The following NALF1 variants were observed in gnomAD, a reference collection of about 807,000 sequenced individuals.
The protein encoded by NALF1 is NALCN channel auxiliary factor 1.
Under a neutral mutation model 48.4 loss-of-function variants are expected in NALF1, and 3 were observed. The ratio of observed to expected loss-of-function variants is 0.06; its 90% confidence interval spans 0.03 to 0.16. The LOEUF (loss-of-function observed/expected upper bound fraction) is 0.16. Among genes scored for constraint, NALF1 ranks in the 10% least tolerant of loss-of-function variants. NALF1 has a pLI of 1.00. For synonymous variants in NALF1, 262 were observed against 245.7 expected, an observed-to-expected ratio of 1.07 and a Z score of -0.62; for missense variants, 526 against 571.5, an observed-to-expected ratio of 0.92 and a Z score of 0.81.
At chr13:107,181,765 T>C (rs1039032778) in intron 2 of NALF1, among the ~76,000 whole-genome samples, 1 of 152,098 alleles carries the variant, frequency 6.6e-6, no homozygotes. Context: ...ATTATGTCTG[T>C]AGGCACAGAA....
chr13:107,492,801 C>T (rs1408024), intron 1 of NALF1, among the ~76,000 whole-genome samples: 54,308 of 151,848 alleles, frequency 0.36, 10,879 homozygotes, highest in African/African-American at 0.54. Context: ...TTTCTTTAGA[C>T]ATAAAACTGG....
At position 107,337,728 on chromosome 13, in the gene NALF1, A is replaced by C. The variant is rs547235322; in HGVS notation, c.916-126973T>G. On this transcript the variant is annotated intron_variant, in intron 1 of 2. Transcript: ENST00000375915. ...TAAGAAAAGTATCCAGGGATTAGGGATCATGGATGTATCATAGCACATGTC... is the reference window on the plus strand; with the variant it reads ...TAAGAAAAGTATCCAGGGATTAGGGCTCATGGATGTATCATAGCACATGTC... 3.4e-4 allele frequency among the ~76,000 whole-genome samples: 52 copies of C among 152,304 alleles called. No homozygotes were observed. In the South Asian group the frequency reaches 5.0e-3, roughly 15 times the overall value.
chr13:107,727,518 G>A (rs1040301953), intron 1 of NALF1, among the ~76,000 whole-genome samples: 8 of 152,168 alleles, frequency 5.3e-5, no homozygotes, highest in African/African-American at 1.9e-4. Flanking sequence ...CCAGCAGTGG[G>A]ACTCTGCTAC....
intron 1 of NALF1, among the ~76,000 whole-genome samples, chr13:107,351,107 T>C (rs560636452): frequency 6.6e-6 from 1 of 152,354 alleles, no homozygotes; most frequent in African/African-American, 2.4e-5. Flanking sequence ...TATATGCTGA[T>C]TTGGTTTGCA....
chr13:107,418,133 T>G (rs943792696), intron 1 of NALF1, among the ~76,000 whole-genome samples: 3 of 152,212 alleles, frequency 2.0e-5, no homozygotes, highest in Non-Finnish European at 4.4e-5. Context: ...AGTGGTACTA[T>G]TTGTTCTCTA....
Position 107,663,639 on chromosome 13 carries a change from A to G in NALF1, c.915+202043T>C, listed in dbSNP as rs189966773. Among the ~76,000 whole-genome samples, 101 of 152,324 alleles carry G rather than the reference A, an allele frequency of 6.6e-4. 1 individual carries two copies. In the Middle Eastern group the frequency reaches 0.01, roughly 15 times the overall value. On this transcript the variant is annotated intron_variant, in intron 1 of 2. Coordinates refer to ENST00000375915, the MANE Select transcript of NALF1 (RefSeq NM_001080396.3). ...CTAAATTCTCCATATCACCAGCTCA[A>G]GAAATATAATCTGTTTCAGAACTTA...
At chr13:107,524,372 C>T (rs886791069) in intron 1 of NALF1, among the ~76,000 whole-genome samples, 3 of 151,856 alleles carry the variant, frequency 2.0e-5, no homozygotes, top group African/African-American at 4.8e-5. Flanking sequence ...TTTGATTATT[C>T]GAGAAGTCAT....
rs552703395 is a variant in NALF1 at position 107,811,401 on chromosome 13, TATGTGCCTTTTAATCTCCA to T, written c.915+54262_915+54280del. ...AAATAAATGTTTCTTTGACTCTGAT[TATGTGCCTTTTAATCTCCA>T]ATGTGCCTTTTAATCTCTGTTACAG... On this transcript the variant is annotated intron_variant, in intron 1 of 2. Transcript: ENST00000375915. Among the ~76,000 whole-genome samples the T allele has an allele frequency of 1.3e-4, 20 of 152,310 alleles. No homozygotes were observed. The East Asian group carries it at 2.9e-3, about 22-fold the overall frequency.
At chr13:107,501,296 C>G (rs935388298) in intron 1 of NALF1, among the ~76,000 whole-genome samples, 1 of 152,128 alleles carries the variant, frequency 6.6e-6, no homozygotes, top group African/African-American at 2.4e-5. Context: ...ACCCCACCTC[C>G]AACACCACAG....
At chr13:107,654,548 C>T (rs1880528186) in intron 1 of NALF1, among the ~76,000 whole-genome samples, 1 of 152,090 alleles carries the variant, frequency 6.6e-6, no homozygotes, top group Non-Finnish European at 1.5e-5. Context: ...GGTGGATTCA[C>T]AGCTGAGTTC....
chr13:107,581,809 C>T (rs988511255), intron 1 of NALF1, among the ~76,000 whole-genome samples: 4 of 152,056 alleles, frequency 2.6e-5, no homozygotes, highest in Admixed American at 2.0e-4. Flanking sequence ...CATATCAGAC[C>T]CTCATCAATT....
At position 107,452,563 on chromosome 13, in the gene NALF1, A is replaced by C. The variant is rs117452653; in HGVS notation, c.916-241808T>G. On this transcript the variant is annotated intron_variant, in intron 1 of 2. Transcript: ENST00000375915. Reference sequence around the variant, plus strand: ...ACCTCCACCTGGTCTCTACCTGGACATGTGAGGATTATCGGGATTACAATT... The same window carrying C: ...ACCTCCACCTGGTCTCTACCTGGACCTGTGAGGATTATCGGGATTACAATT... Among the ~76,000 whole-genome samples the C allele has an allele frequency of 7.0e-3, 1,060 of 152,250 alleles. 38 individuals carry two copies. The East Asian group carries it at 0.11, about 16-fold the overall frequency.
At chr13:107,823,150 G>A (rs768301411) in intron 1 of NALF1, among the ~76,000 whole-genome samples, 1 of 152,148 alleles carries the variant, frequency 6.6e-6, no homozygotes, top group African/African-American at 2.4e-5. Flanking sequence ...CCACTATTTA[G>A]AATAGTCAGT....
intron 2 of NALF1, among the ~76,000 whole-genome samples, chr13:107,189,122 T>A (rs1228113601): frequency 6.6e-6 from 1 of 152,236 alleles, no homozygotes; most frequent in Non-Finnish European, 1.5e-5. Context: ...ATTAAGATCA[T>A]AAGCTAAGTT....
At chr13:107,503,810 A>G (rs1875604387) in intron 1 of NALF1, among the ~76,000 whole-genome samples, 2 of 151,406 alleles carry the variant, frequency 1.3e-5, no homozygotes, top group South Asian at 4.2e-4. Context: ...ATTCAGCCTT[A>G]AAAAAAGAAG....
intron 1 of NALF1, among the ~76,000 whole-genome samples, chr13:107,663,550 CATT>C (rs1027409316): frequency 1.3e-5 from 2 of 152,256 alleles, no homozygotes; most frequent in Admixed American, 6.5e-5. Context: ...GTTTTGTTGT[CATT>C]GTTGTTTTTC....
At chr13:107,820,750 T>C (rs1252538430) in intron 1 of NALF1, among the ~76,000 whole-genome samples, 1 of 152,208 alleles carries the variant, frequency 6.6e-6, no homozygotes, top group African/African-American at 2.4e-5. Context: ...GCCTGCTGCT[T>C]ACAGCGATTT....
intron 1 of NALF1, among the ~76,000 whole-genome samples, chr13:107,450,580 C>A (rs1884724354): frequency 6.6e-6 from 1 of 152,078 alleles, no homozygotes; most frequent in Non-Finnish European, 1.5e-5. Flanking sequence ...TGTGAGAATG[C>A]TTAGGAGACA....
At chr13:107,529,847 G>C (rs73596728) in intron 1 of NALF1, among the ~76,000 whole-genome samples, 75 of 152,162 alleles carry the variant, frequency 4.9e-4, no homozygotes, top group African/African-American at 1.8e-3. Context: ...ATCCATGGTA[G>C]GGATGCAGTT....
Sources: gnomAD v4.1 joint callset for allele counts (sites outside exome capture counted in the v4.1 genomes callset) on GRCh38, gnomAD v4.1.1 for gene constraint, MANE v1.5 for transcripts, NCBI Gene and HGNC (gene_info 2026-07-23, HGNC 2026-07-21) for gene names.